Variants in SOX5 observed in about 807,000 individuals in gnomAD.
The protein encoded by SOX5 is SRY-box transcription factor 5.
Under a neutral mutation model 92.0 loss-of-function variants are expected in SOX5, and 9 were observed. The observed-to-expected ratio is 0.10, with a 90% CI of 0.06 to 0.17. The LOEUF is 0.17. Ranked by LOEUF, SOX5 falls within the 10% of genes least tolerant of loss-of-function variation. The pLI is 1.00. For missense variants in SOX5, 642 were observed against 944.5 expected, an observed-to-expected ratio of 0.68 and a Z score of 4.20; for synonymous variants, 344 against 336.3, an observed-to-expected ratio of 1.02 and a Z score of -0.25.
At chr12:24,415,824 A>G (rs948460565) in intron 1 of SOX5, among the ~76,000 whole-genome samples, 16 of 152,238 alleles carry the variant, frequency 1.1e-4, no homozygotes, top group Non-Finnish European at 2.2e-4. Context: ...AAACTTGCTA[A>G]TAAAGAAGCT....
intron 4 of SOX5, among the ~76,000 whole-genome samples, chr12:24,029,227 T>C (rs1029601611): frequency 2.0e-5 from 3 of 151,982 alleles, no homozygotes; most frequent in African/African-American, 7.2e-5. Flanking sequence ...TAAATGTACC[T>C]TAATAGAATA....
chr12:23,838,850 G>GGT (rs2096472689), intron 3 of SOX5, among the ~76,000 whole-genome samples: 2 of 104,554 alleles, frequency 1.9e-5, no homozygotes, highest in African/African-American at 3.4e-5. Context: ...TTTTGGGGGG[G>GGT]GGGGGCGGGG....
At chr12:23,735,030 C>T (rs575602672) in intron 5 of SOX5, among the ~76,000 whole-genome samples, 1 of 152,112 alleles carries the variant, frequency 6.6e-6, no homozygotes, top group Admixed American at 6.6e-5. Context: ...TTCGAACATC[C>T]CTCTTCCTAG....
chr12:23,615,043 C>T (rs1015498468), intron 8 of SOX5, among the ~76,000 whole-genome samples: 5 of 151,906 alleles, frequency 3.3e-5, no homozygotes, highest in Non-Finnish European at 7.4e-5. Flanking sequence ...ACCTCGTGAT[C>T]CACCTGCTTC....
intron 1 of SOX5, among the ~76,000 whole-genome samples, chr12:23,929,671 C>T (rs1445346426): frequency 1.3e-5 from 2 of 151,878 alleles, no homozygotes; most frequent in African/African-American, 4.8e-5. Context: ...AAATAGCATA[C>T]ATCAATATAA....
At chr12:24,161,827 T>C (rs1042109595) in intron 4 of SOX5, among the ~76,000 whole-genome samples, 2 of 152,076 alleles carry the variant, frequency 1.3e-5, no homozygotes, top group African/African-American at 2.4e-5. Flanking sequence ...TGGAGTCATG[T>C]AGTATCCAAT....
chr12:23,862,756 C>T (rs2096769698), intron 2 of SOX5, among the ~76,000 whole-genome samples: 1 of 152,120 alleles, frequency 6.6e-6, no homozygotes, highest in Non-Finnish European at 1.5e-5. Context: ...AAATCTCTGG[C>T]TTTTTACACT....
At chr12:23,576,141 T>A (rs1390376032) in intron 9 of SOX5, among the ~76,000 whole-genome samples, 1 of 152,210 alleles carries the variant, frequency 6.6e-6, no homozygotes, top group Non-Finnish European at 1.5e-5. Flanking sequence ...CTATATTCAT[T>A]TGTATTGAGA....
intron 3 of SOX5, among the ~76,000 whole-genome samples, chr12:24,272,317 C>T (rs948259697): frequency 6.6e-6 from 1 of 152,078 alleles, no homozygotes; most frequent in Non-Finnish European, 1.5e-5. Flanking sequence ...ATATCGTGTG[C>T]CAATAACGAC....
chr12:24,151,376 A>G lies in SOX5; in HGVS notation c.-2+61967T>C, dbSNP rs138797188. ...AAAAAAAATTCTACACAGTCATTGG[A>G]TTTAAAAAATATTGATATGCCAACC... On this transcript the variant is annotated intron_variant, in intron 4 of 4. Transcript: ENST00000446891. Among the ~76,000 whole-genome samples, 436 of 152,288 alleles carry G rather than the reference A, an allele frequency of 2.9e-3. 7 individuals carry two copies. The highest frequency in any genetic ancestry group is 0.021 in the Admixed American group (325 of 15,284).
At chr12:23,555,105 A>T (rs947644397) in intron 11 of SOX5, among the ~76,000 whole-genome samples, 2 of 152,102 alleles carry the variant, frequency 1.3e-5, no homozygotes, top group African/African-American at 4.8e-5. Flanking sequence ...AAAATTTACA[A>T]CCCCATAACC....
chr12:23,751,349 T>C (rs2094174483), intron 4 of SOX5, among the ~76,000 whole-genome samples: 1 of 151,952 alleles, frequency 6.6e-6, no homozygotes, highest in East Asian at 1.9e-4. Context: ...TACTGGATTT[T>C]AAAAGAACAT....
At chr12:23,952,875 C>T (rs981168315), upstream of SOX5, among the ~76,000 whole-genome samples, 4 of 152,078 alleles carry the variant, frequency 2.6e-5, no homozygotes, top group African/African-American at 7.2e-5. Context: ...GTTAGTAGCC[C>T]ATTTGTTGCT....
chr12:24,012,297 A>G (rs74705148), intron 4 of SOX5, among the ~76,000 whole-genome samples: 2,774 of 152,284 alleles, frequency 0.018, 101 homozygotes, highest in African/African-American at 0.063. Flanking sequence ...AGTCTTGTTC[A>G]TGAGGGCAGT....
intron 4 of SOX5, among the ~76,000 whole-genome samples, chr12:24,050,624 A>G (rs1319685840): frequency 1.3e-5 from 2 of 152,192 alleles, no homozygotes; most frequent in Non-Finnish European, 2.9e-5. Context: ...TAACTATCCC[A>G]AAAGAGGTAA....
intron 4 of SOX5, among the ~76,000 whole-genome samples, chr12:24,155,631 T>C (rs1032110722): frequency 1.3e-5 from 2 of 152,176 alleles, no homozygotes; most frequent in African/African-American, 4.8e-5. Context: ...CCTTAAACTG[T>C]CTAAAGGACT....
intron 4 of SOX5, among the ~76,000 whole-genome samples, chr12:24,087,177 T>C (rs1163696989): frequency 6.6e-6 from 1 of 152,056 alleles, no homozygotes; most frequent in Non-Finnish European, 1.5e-5. Flanking sequence ...TCTCTCTCTC[T>C]CTTTATATTT....
At chr12:24,096,838 T>A (rs1376467936) in intron 4 of SOX5, among the ~76,000 whole-genome samples, 1 of 152,120 alleles carries the variant, frequency 6.6e-6, no homozygotes. Context: ...TTATAAATAC[T>A]TGTACAAAAG....
At chr12:23,688,474 C>G (rs1446295756) in intron 6 of SOX5, among the ~76,000 whole-genome samples, 1 of 152,004 alleles carries the variant, frequency 6.6e-6, no homozygotes, top group Admixed American at 6.6e-5. Context: ...ATTAGATTCA[C>G]CTGACTGCAT....
Sources: allele counts gnomAD v4.1 joint callset (sites outside exome capture counted in the v4.1 genomes callset), GRCh38; gene constraint gnomAD v4.1.1; transcripts MANE v1.5; gene names NCBI Gene and HGNC (gene_info 2026-07-23, HGNC 2026-07-21).